The following ZC3H8 variants were observed in gnomAD, a reference collection of about 807,000 sequenced individuals.
ZC3H8 encodes the protein zinc finger CCCH-type containing 8, also known as zinc finger CCCH domain-containing protein 8.
In ZC3H8, 27 loss-of-function variants were observed where a neutral mutation model predicts 42.5. That is an observed-to-expected ratio of 0.64 (90% CI 0.47 to 0.88). ZC3H8 has a LOEUF of 0.88. Ranked by LOEUF, ZC3H8 falls within the 40% of genes least tolerant of loss-of-function variation. The probability of loss-of-function intolerance (pLI) is 0.00; values close to 1 mark genes in which losing one functional copy is unlikely to be tolerated. For missense variants in ZC3H8, 277 were observed against 336.1 expected (o/e 0.82, Z 1.37); for synonymous variants, 101 against 110.1 (o/e 0.92, Z 0.52).
At chr2:112,241,757 T>G (rs1685593895) in intron 2 of ZC3H8, among the ~76,000 whole-genome samples, 1 of 152,224 alleles carries the variant, frequency 6.6e-6, no homozygotes, top group Admixed American at 6.5e-5. Flanking sequence ...AGAATCAGAC[T>G]AACTGCTCTG....
At chr2:112,228,476 TG>T (rs1389894520) in intron 8 of ZC3H8, among the ~76,000 whole-genome samples, 2 of 149,206 alleles carry the variant, frequency 1.3e-5, no homozygotes, top group Non-Finnish European at 3.0e-5. Flanking sequence ...CACTCCAGTC[TG>T]GCAACAGAGT....
At position 112,214,450 on chromosome 2, in the gene ZC3H8, G is replaced by C. The variant is rs1008272346; in HGVS notation, c.*2034C>G. On this transcript the variant is annotated 3_prime_UTR_variant, in exon 9 of 9. Coordinates refer to ENST00000409573, the MANE Select transcript of ZC3H8 (RefSeq NM_032494.3). Reference sequence around the variant, plus strand: ...CAACTTTCTGGCTTTATTTCTCCTGGTTTGAATTTTTTAGACTATGGTTTT... The same window carrying C: ...CAACTTTCTGGCTTTATTTCTCCTGCTTTGAATTTTTTAGACTATGGTTTT... 2 of 151,952 alleles carry C rather than the reference G, an allele frequency of 1.3e-5. No homozygotes were observed. The highest frequency in any genetic ancestry group is 2.9e-5 in the Non-Finnish European group (2 of 68,008). The allele number at this position is 151,952 out of a possible 1,614,324, so 9.4% of individuals were successfully genotyped here.
intron 4 of ZC3H8, among the ~76,000 whole-genome samples, chr2:112,236,147 C>A (rs1685319843): frequency 6.6e-6 from 1 of 151,966 alleles, no homozygotes; most frequent in African/African-American, 2.4e-5. Context: ...GCCTGTAGTC[C>A]CAGCTACTCA....
At chr2:112,246,756 T>A (rs1053698487) in intron 2 of ZC3H8, among the ~76,000 whole-genome samples, 1 of 152,248 alleles carries the variant, frequency 6.6e-6, no homozygotes, top group Admixed American at 6.5e-5. Flanking sequence ...AGATTTAGAA[T>A]ATTATATAAA....
chr2:112,239,060 A>G (rs1685470578), intron 2 of ZC3H8, among the ~76,000 whole-genome samples: 1 of 152,270 alleles, frequency 6.6e-6, no homozygotes, highest in Non-Finnish European at 1.5e-5. Context: ...TGGTAGCAGC[A>G]ATGATGACAA....
At position 112,234,805 on chromosome 2, in the gene ZC3H8, G is replaced by GA. The variant is rs112803375; in HGVS notation, c.505-570dup. Among the ~76,000 whole-genome samples, 717 of 134,712 alleles carry GA rather than the reference G, an allele frequency of 5.3e-3. 3 individuals are homozygous for GA. The highest frequency in any genetic ancestry group is 0.016 in the African/African-American group (585 of 36,910). The allele number at this position is 134,712 out of a possible 152,430, so 88.4% of individuals were successfully genotyped here. A position where few individuals can be genotyped will look rare whatever the true frequency, so the allele number is the denominator to read the frequency against. Reference sequence around the variant, plus strand: ...ATAGAACGAGACTCCATCTCAGGGAGAAAAAAAAAAAAATTAAATGAAAGT... The same window carrying GA: ...ATAGAACGAGACTCCATCTCAGGGAGAAAAAAAAAAAAAATTAAATGAAAGT... On this transcript the variant is annotated intron_variant, in intron 4 of 8. Transcript: ENST00000409573.
chr2:112,254,561 A>C (rs1426241132), intron 1 of ZC3H8, among the ~76,000 whole-genome samples: 1 of 152,212 alleles, frequency 6.6e-6, no homozygotes, highest in Non-Finnish European at 1.5e-5. Context: ...AACAACGGTA[A>C]AGACAGACGC....
intron 2 of ZC3H8, 138 bp from the exon 3 acceptor site, chr2:112,238,666 C>T (rs1024493029): frequency 5.3e-6 from 3 of 562,398 alleles, no homozygotes; most frequent in Non-Finnish European, 8.8e-6. Context: ...ATATACTATT[C>T]TCTCCACTCA....
chr2:112,220,914 T>G (rs1684555900), intron 8 of ZC3H8, among the ~76,000 whole-genome samples: 1 of 152,234 alleles, frequency 6.6e-6, no homozygotes, highest in East Asian at 1.9e-4. Flanking sequence ...CCTTGGAGAA[T>G]CTGATGACTA....
In ZC3H8 at chr2:112,215,924, CAA is replaced by C. The variant is rs1270330644; in HGVS notation, c.*558_*559del. The C allele has an allele frequency of 1.3e-5, 2 of 151,964 alleles. No individual in the cohort carries two copies. The highest frequency in any genetic ancestry group is 4.8e-5 in the African/African-American group (2 of 41,386). The allele number at this position is 151,964 out of a possible 1,614,324, so 9.4% of individuals were successfully genotyped here. ...ATTTATAATAGTAAGAAACTGGAAA[CAA>C]ATGTCTAACAATAGGAAACTGGTTT... On this transcript the variant is annotated 3_prime_UTR_variant, in exon 9 of 9. Coordinates refer to ENST00000409573, the MANE Select transcript of ZC3H8 (RefSeq NM_032494.3).
chr2:112,222,907 T>C (rs1684651616), intron 8 of ZC3H8, among the ~76,000 whole-genome samples: 1 of 152,220 alleles, frequency 6.6e-6, no homozygotes, highest in Non-Finnish European at 1.5e-5. Context: ...AATTGTACAT[T>C]TACAAATGGT....
chr2:112,223,133 A>G (rs1684664037), intron 8 of ZC3H8, among the ~76,000 whole-genome samples: 1 of 152,148 alleles, frequency 6.6e-6, no homozygotes, highest in African/African-American at 2.4e-5. Context: ...GGGGAGGGAT[A>G]GCATTAGGAG....
Position 112,228,640 on chromosome 2 carries a change from A to G in ZC3H8, c.*15+2263T>C, listed in dbSNP as rs77007438. Reference sequence around the variant, plus strand: ...CAAGAGCTAAAACTAGAAAATTTTTAGAAGAAAACATAAGAGCACATCTTG... The same window carrying G: ...CAAGAGCTAAAACTAGAAAATTTTTGGAAGAAAACATAAGAGCACATCTTG... On this transcript the variant is annotated intron_variant, in intron 8 of 8. Transcript: ENST00000409573. 7.6e-3 allele frequency among the ~76,000 whole-genome samples: 1,155 copies of G among 152,344 alleles called. 6 individuals are homozygous for G. The highest frequency in any genetic ancestry group is 0.012 in the Non-Finnish European group (784 of 68,036).
At chr2:112,235,488 C>A (rs963042882) in intron 4 of ZC3H8, among the ~76,000 whole-genome samples, 4 of 152,176 alleles carry the variant, frequency 2.6e-5, no homozygotes, top group Non-Finnish European at 5.9e-5. Context: ...AACCACAGGG[C>A]TTCAGATTCC....
Position 112,250,288 on chromosome 2 carries a change from C to A in ZC3H8, c.75-16G>T. On this transcript the variant is annotated splice_polypyrimidine_tract_variant and intron_variant, in intron 1 of 8. Coordinates refer to ENST00000409573, the MANE Select transcript of ZC3H8 (RefSeq NM_032494.3). ...ATCATCGATTCTGTAGCAAAAATAT[C>A]AAATAACACAAAAGAGTTTTTTCAA... 6.5e-7 allele frequency: 1 copy of A among 1,533,250 alleles called. No homozygotes were observed. The highest frequency in any genetic ancestry group is 2.4e-5 in the East Asian group (1 of 41,192). 95.0% of individuals were successfully genotyped at this position (1,533,250 alleles called of 1,614,324 possible).
intron 8 of ZC3H8, among the ~76,000 whole-genome samples, chr2:112,218,871 A>T (rs1484789589): frequency 6.6e-6 from 1 of 152,220 alleles, no homozygotes; most frequent in African/African-American, 2.4e-5. Flanking sequence ...TTCAAGGGCC[A>T]AATGTACTTA....
chr2:112,241,604 G>A (rs1003139858), intron 2 of ZC3H8, among the ~76,000 whole-genome samples: 10 of 152,136 alleles, frequency 6.6e-5, no homozygotes, highest in Admixed American at 1.3e-4. Flanking sequence ...ATGTTATTCC[G>A]TTTTGAACAT....
intron 3 of ZC3H8, 122 bp from the exon 4 acceptor site, chr2:112,236,817 C>CTGGTGGATCACTTG: frequency 1.1e-6 from 1 of 903,756 alleles, no homozygotes; most frequent in Non-Finnish European, 1.6e-6. Context: ...GAGGCTGAGG[C>CTGGTGGATCACTTG]AGGAGGACTG....
At chr2:112,241,205 C>T (rs1685571225) in intron 2 of ZC3H8, among the ~76,000 whole-genome samples, 1 of 152,072 alleles carries the variant, frequency 6.6e-6, no homozygotes, top group Non-Finnish European at 1.5e-5. Context: ...ATTCTCTCTG[C>T]CCTCTCCCTC....
Sources: allele counts gnomAD v4.1 joint callset (sites outside exome capture counted in the v4.1 genomes callset), GRCh38; gene constraint gnomAD v4.1.1; transcripts MANE v1.5; gene names NCBI Gene and HGNC (gene_info 2026-07-23, HGNC 2026-07-21).